PCDHA9: variants seen among roughly 807,000 people sequenced by gnomAD.
PCDHA9 encodes the protein protocadherin alpha 9.
In PCDHA9, 62 loss-of-function variants were observed where a neutral mutation model predicts 62.0. The ratio of observed to expected loss-of-function variants is 1.00; its 90% CI spans 0.81 to 1.23. The LOEUF (loss-of-function observed/expected upper bound fraction) is 1.23, where lower values mean the gene tolerates loss of function less well. Among genes scored for constraint, PCDHA9 ranks in the 50% most tolerant of loss-of-function variants. The probability of loss-of-function intolerance (pLI) is 0.00; values close to 1 mark genes in which losing one functional copy is unlikely to be tolerated. For missense variants in PCDHA9, 1,205 were observed against 1,249.8 expected (o/e 0.96, Z 0.54); for synonymous variants, 557 against 567.6 (o/e 0.98, Z 0.27).
At chr5:140,967,001 A>G (rs1048933252) in intron 1 of PCDHA9, 5 of 1,605,060 alleles carry the variant, frequency 3.1e-6, no homozygotes, top group East Asian at 2.2e-5. Flanking sequence ...TTGCTTGCGC[A>G]TCAACCATCT....
chr5:140,876,726 G>T, intron 1 of PCDHA9: 1 of 1,614,264 alleles, frequency 6.2e-7, no homozygotes, highest in African/African-American at 1.3e-5. Context: ...GCGAGAGCGT[G>T]TCGGCCTATG....
At chr5:140,856,890 G>T in intron 1 of PCDHA9, 2 of 1,596,172 alleles carry the variant, frequency 1.3e-6, no homozygotes, top group Non-Finnish European at 1.7e-6. Context: ...TATTCATTTA[G>T]CTCTTTGGTC....
At chr5:140,863,307 C>G in intron 1 of PCDHA9, 1 of 1,462,496 alleles carries the variant, frequency 6.8e-7, no homozygotes. Context: ...TCGCCATCTG[C>G]GTGGTGTCCA....
intron 1 of PCDHA9, among the ~76,000 whole-genome samples, chr5:140,878,446 T>C (rs2057593210): frequency 6.6e-6 from 1 of 152,210 alleles, no homozygotes; most frequent in Admixed American, 6.5e-5. Flanking sequence ...CTATTCTTAT[T>C]TACATGAAAT....
intron 1 of PCDHA9, chr5:140,854,282 G>A: frequency 1.9e-6 from 1 of 533,858 alleles, no homozygotes; most frequent in African/African-American, 2.1e-5. Context: ...ATTGAGTTTA[G>A]TTTTTATTAT....
intron 1 of PCDHA9, chr5:140,856,867 C>G (rs1554149232): frequency 6.3e-7 from 1 of 1,595,186 alleles, no homozygotes; most frequent in East Asian, 2.2e-5. Context: ...AAGGAATAAA[C>G]AAGGAAATGA....
At chr5:140,974,426 G>T (rs1417085676) in intron 1 of PCDHA9, among the ~76,000 whole-genome samples, 1 of 152,152 alleles carries the variant, frequency 6.6e-6, no homozygotes, top group Non-Finnish European at 1.5e-5. Flanking sequence ...TTACTTTCCT[G>T]GTTTGTAAAT....
chr5:140,968,652 A>G, intron 1 of PCDHA9: 1 of 1,614,118 alleles, frequency 6.2e-7, no homozygotes, highest in Non-Finnish European at 8.5e-7. Context: ...CAGACTTCTG[A>G]CCTGGACCTC....
rs952231570 is a variant in PCDHA9 at position 140,897,305 on chromosome 5, G to C, written c.2394+46416G>C. Among the ~76,000 whole-genome samples the C allele has an allele frequency of 1.9e-3, 284 of 150,706 alleles. 1 individual carries two copies. Among genetic ancestry groups the C allele is most frequent in the African/African-American group, 6.8e-3 (278 of 41,056 alleles). On this transcript the variant is annotated intron_variant, in intron 1 of 3. Coordinates refer to ENST00000532602, the MANE Select transcript of PCDHA9 (RefSeq NM_031857.2). ...CCATTAACTCGTCATTTAGCATTAG[G>C]TATATCTCCTAAAGCTATCCCTCCC...
At chr5:140,909,977 G>A (rs1554194042) in intron 1 of PCDHA9, among the ~76,000 whole-genome samples, 2 of 152,214 alleles carry the variant, frequency 1.3e-5, no homozygotes, top group African/African-American at 4.8e-5. Flanking sequence ...AAGGATGGGA[G>A]AAAGACTAAC....
intron 1 of PCDHA9, chr5:140,883,245 G>A (rs267600403): frequency 6.2e-7 from 1 of 1,613,898 alleles, no homozygotes; most frequent in Non-Finnish European, 8.5e-7. Flanking sequence ...GTTGACAAAG[G>A]AAATATTCCA....
chr5:140,966,742 G>T, intron 1 of PCDHA9: 1 of 1,422,480 alleles, frequency 7.0e-7, no homozygotes, highest in African/African-American at 1.5e-5. Context: ...GCCCTGCCCG[G>T]CTGCCTCCGC....
rs200196783 is a variant in PCDHA9 at position 140,849,807 on chromosome 5, A to C, written c.1312A>C (p.Thr438Pro). The change falls in exon 1 of 4, where the codon ACG (threonine) becomes CCG (proline). Residue 438 changes from threonine to proline, a missense_variant. Physicochemically the swap from Thr to Pro is conservative, Grantham distance 38 (BLOSUM62 -1). Transcript: ENST00000532602. ...RDGGSPSLWA[T>P]ARVSVEVADV... The stretch of plus-strand genomic sequence containing the variant: ...CGGGGGCTCGCCTTCACTGTGGGCC[A>C]CGGCCAGGGTGTCTGTGGAGGTGGC... 5.4e-5 allele frequency: 86 copies of C among 1,598,400 alleles called. 9 individuals are homozygous for C. The highest frequency in any genetic ancestry group is 6.8e-5 in the Non-Finnish European group (80 of 1,167,954).
intron 3 of PCDHA9, among the ~76,000 whole-genome samples, chr5:141,003,811 C>G (rs1490096042): frequency 1.3e-5 from 2 of 152,114 alleles, no homozygotes; most frequent in African/African-American, 4.8e-5. Context: ...AATCTGTAGT[C>G]TGGGAAGGGC....
chr5:140,855,992 T>A lies in PCDHA9; in HGVS notation c.2394+5103T>A, dbSNP rs2043714140. On this transcript the variant is annotated intron_variant, in intron 1 of 3. Transcript: ENST00000532602. ...AAGAAATAGGACAGAAAATGTCAGA[T>A]CGTATGTGCGTTCTAGACCGCTGAT... 1.6e-5 allele frequency: 24 copies of A among 1,492,840 alleles called. 4 individuals carry two copies. The highest frequency in any genetic ancestry group is 1.2e-4 in the South Asian group (9 of 76,326). 92.5% of individuals were successfully genotyped at this position (1,492,840 alleles called of 1,614,324 possible).
Position 140,858,084 on chromosome 5 carries a change from C to T in PCDHA9, c.2394+7195C>T, listed in dbSNP as rs781886260. 2 of 1,597,664 alleles carry T rather than the reference C, an allele frequency of 1.3e-6. No homozygotes were observed. Among genetic ancestry groups the T allele is most frequent in the Admixed American group, 1.7e-5 (1 of 59,290 alleles). ...GGCAGCCAGGCACCCAAGGCCTCGT[C>T]GCGGGCTTCAGTGGGCGTGGCGCCC... is the stretch of plus-strand genomic sequence containing the variant. On this transcript the variant is annotated intron_variant, in intron 1 of 3. Transcript: ENST00000532602.
chr5:140,927,624 G>A (rs1554204821), intron 1 of PCDHA9: 3 of 1,614,212 alleles, frequency 1.9e-6, no homozygotes, highest in Non-Finnish European at 2.5e-6. Context: ...AGGTTCCAGA[G>A]ACTGCACCCA....
At chr5:140,961,646 T>C (rs554070301) in intron 1 of PCDHA9, among the ~76,000 whole-genome samples, 19 of 152,328 alleles carry the variant, frequency 1.2e-4, no homozygotes, top group African/African-American at 4.6e-4. Flanking sequence ...TAAGTCTATG[T>C]GGTTAGTTTG....
intron 3 of PCDHA9, among the ~76,000 whole-genome samples, chr5:141,001,985 G>A (rs536683790): frequency 6.6e-5 from 10 of 152,194 alleles, no homozygotes; most frequent in Non-Finnish European, 1.5e-4. Flanking sequence ...GGAAAGCCTG[G>A]AAGTTCACTT....
Sources: gnomAD v4.1 joint callset for allele counts (sites outside exome capture counted in the v4.1 genomes callset) on GRCh38, gnomAD v4.1.1 for gene constraint, MANE v1.5 for transcripts, NCBI Gene and HGNC (gene_info 2026-07-23, HGNC 2026-07-21) for gene names.